Variants in DLGAP2 observed in about 807,000 individuals in gnomAD.
DLGAP2 encodes the protein disks large-associated protein 2.
Under a neutral mutation model 100.3 loss-of-function variants are expected in DLGAP2, and 26 were observed. That is an observed-to-expected ratio of 0.26 (90% CI 0.19 to 0.36). The LOEUF is 0.36. Among genes scored for constraint, DLGAP2 ranks in the 10% least tolerant of loss-of-function variants. The pLI is 1.00. For synonymous variants in DLGAP2, 886 were observed against 630.1 expected (o/e 1.41, Z -6.08); for missense variants, 1,858 against 1,453.2 (o/e 1.28, Z -4.53).
chr8:963,457 C>T (rs1799774799), intron 2 of DLGAP2, among the ~76,000 whole-genome samples: 1 of 152,118 alleles, frequency 6.6e-6, no homozygotes, highest in Admixed American at 6.5e-5. Flanking sequence ...GTATATGGTA[C>T]ATATATGCAT....
chr8:1,070,670 CACAA>C lies in DLGAP2; in HGVS notation c.73+162708_73+162711del, dbSNP rs550130462. Among the ~76,000 whole-genome samples the C allele has an allele frequency of 9.2e-5, 14 of 152,274 alleles. No individual in the cohort carries two copies. In the East Asian group the frequency reaches 2.3e-3, roughly 25 times the overall value. ...GTGTCTGTTCAGACACACATACAGA[CACAA>C]ACACTCACTCCCTCCTTACAGAAAA... On this transcript the variant is annotated intron_variant, in intron 2 of 14. Transcript: ENST00000637795.
chr8:982,531 C>G (rs565640102), intron 2 of DLGAP2, among the ~76,000 whole-genome samples: 23 of 152,136 alleles, frequency 1.5e-4, no homozygotes, highest in African/African-American at 5.3e-4. Context: ...GATATTTTTT[C>G]TTTGTCAAGG....
intron 8 of DLGAP2, among the ~76,000 whole-genome samples, chr8:1,640,778 C>A (rs547045868): frequency 6.6e-6 from 1 of 152,170 alleles, no homozygotes; most frequent in African/African-American, 2.4e-5. Flanking sequence ...CCCGCCCCCC[C>A]GCATCTAGAC....
chr8:1,564,938 AC>A (rs1266225627), intron 5 of DLGAP2, among the ~76,000 whole-genome samples: 1 of 152,190 alleles, frequency 6.6e-6, no homozygotes, highest in East Asian at 1.9e-4. Context: ...TGAGTTCCAT[AC>A]CACACAGATA....
chr8:932,713 A>G (rs1162324398), intron 2 of DLGAP2, among the ~76,000 whole-genome samples: 1 of 152,218 alleles, frequency 6.6e-6, no homozygotes, highest in Non-Finnish European at 1.5e-5. Flanking sequence ...AATCGTGAAC[A>G]TAAAATGTCA....
At chr8:1,096,816 C>G (rs570657875) in intron 2 of DLGAP2, among the ~76,000 whole-genome samples, 1 of 144,916 alleles carries the variant, frequency 6.9e-6, no homozygotes, top group South Asian at 2.2e-4. Context: ...AGACCCAGCT[C>G]CCTGCGCTCA....
chr8:1,639,251 G>A (rs1237989981), intron 8 of DLGAP2, among the ~76,000 whole-genome samples: 4 of 152,220 alleles, frequency 2.6e-5, no homozygotes, highest in African/African-American at 7.2e-5. Flanking sequence ...CGTCAGCATC[G>A]TGGGGAGAAG....
At chr8:1,023,857 A>ATATGTGTGTGTGTG (rs772678610) in intron 2 of DLGAP2, among the ~76,000 whole-genome samples, 12 of 128,836 alleles carry the variant, frequency 9.3e-5, no homozygotes, top group South Asian at 2.7e-4. Flanking sequence ...AACTTTATAT[A>ATATGTGTGTGTGTG]TGTGTGTGTG....
intron 1 of DLGAP2, among the ~76,000 whole-genome samples, chr8:774,645 G>C (rs1387697596): frequency 6.6e-6 from 1 of 151,554 alleles, no homozygotes; most frequent in Non-Finnish European, 1.5e-5. Context: ...GTTTGTCAAA[G>C]ATCAGATAGT....
intron 2 of DLGAP2, among the ~76,000 whole-genome samples, chr8:995,994 C>T (rs1800773248): frequency 6.6e-6 from 1 of 152,158 alleles, no homozygotes; most frequent in South Asian, 2.1e-4. Context: ...CTCCCTTTTC[C>T]ATGTGGTTCT....
At chr8:1,270,668 G>A (rs1799563175) in intron 3 of DLGAP2, among the ~76,000 whole-genome samples, 2 of 150,902 alleles carry the variant, frequency 1.3e-5, no homozygotes. Context: ...GTGTGTCTCT[G>A]TGTGTGTCTC....
chr8:926,696 C>T (rs1285669866), intron 2 of DLGAP2, among the ~76,000 whole-genome samples: 1 of 152,198 alleles, frequency 6.6e-6, no homozygotes, highest in African/African-American at 2.4e-5. Flanking sequence ...CGTGGGTGGC[C>T]GCCGAGGGGC....
intron 3 of DLGAP2, among the ~76,000 whole-genome samples, chr8:1,439,057 C>T (rs774298822): frequency 1.3e-5 from 2 of 152,050 alleles, no homozygotes; most frequent in Non-Finnish European, 2.9e-5. Context: ...TAGAGTCAGA[C>T]GAGTGTAAAT....
At chr8:846,667 A>G (rs926585533) in intron 1 of DLGAP2, among the ~76,000 whole-genome samples, 1 of 152,198 alleles carries the variant, frequency 6.6e-6, no homozygotes, top group African/African-American at 2.4e-5. Flanking sequence ...GGATTGCTGG[A>G]TCATATGGTA....
chr8:1,194,014 G>T (rs959452021), intron 2 of DLGAP2, among the ~76,000 whole-genome samples: 1 of 152,152 alleles, frequency 6.6e-6, no homozygotes, highest in Non-Finnish European at 1.5e-5. Flanking sequence ...ATTTCTCCTT[G>T]GCATTACCGG....
intron 2 of DLGAP2, among the ~76,000 whole-genome samples, chr8:1,023,900 T>TGTGTGTGTGTGTGTGTGTGTGTGTGTG (rs1428174813): frequency 3.4e-5 from 5 of 146,764 alleles, no homozygotes; most frequent in Admixed American, 1.4e-4. Context: ...TGTGTGTGTG[T>TGTGTGTGTGTGTGTGTGTGTGTGTGTG]AGTTTGCTTC....
At chr8:1,388,657 AC>A (rs1796275825) in intron 3 of DLGAP2, among the ~76,000 whole-genome samples, 1 of 78,456 alleles carries the variant, frequency 1.3e-5, no homozygotes, top group Admixed American at 1.2e-4. Context: ...TGAGAGGCAG[AC>A]GCCGTGGAAG....
rs1563180279 is a variant in DLGAP2 at position 1,491,369 on chromosome 8, C to CA, written c.107-9997_107-9996insA. Among the ~76,000 whole-genome samples, 4 of 152,128 alleles carry CA rather than the reference C, an allele frequency of 2.6e-5. 1 individual carries two copies. The highest frequency in any genetic ancestry group is 2.0e-4 in the Admixed American group (3 of 15,274). On this transcript the variant is annotated intron_variant, in intron 3 of 14. Transcript: ENST00000637795. ...GGCTTCGGGCCGCTCCCCCTGACCC[C>CA]GGAGGCTTCGGGCTGCTCCCCCTGA...
Position 1,165,223 on chromosome 8 carries a change from G to A in DLGAP2, c.74-93628G>A, listed in dbSNP as rs370560699. On this transcript the variant is annotated intron_variant, in intron 2 of 14. Transcript: ENST00000637795. ...GAGGTAGAGGGGGAGATGGGGGGGC[G>A]GGAGGAACAGAGGCAGAGGGAGAGG... 7.3e-5 allele frequency among the ~76,000 whole-genome samples: 11 copies of A among 149,806 alleles called. No individual in the cohort carries two copies. In the South Asian group the frequency reaches 8.5e-4, roughly 12 times the overall value.
Sources: gnomAD v4.1 joint callset for allele counts (sites outside exome capture counted in the v4.1 genomes callset) on GRCh38, gnomAD v4.1.1 for gene constraint, MANE v1.5 for transcripts, NCBI Gene and HGNC (gene_info 2026-07-23, HGNC 2026-07-21) for gene names.